Variants in FANCM observed in about 807,000 individuals in gnomAD.
FANCM encodes the protein FA complementation group M, also known as Fanconi anemia group M protein.
Under a neutral mutation model 199.5 loss-of-function variants are expected in FANCM, and 140 were observed. The observed-to-expected ratio is 0.70, with a 90% CI of 0.61 to 0.81. The LOEUF (loss-of-function observed/expected upper bound fraction) is 0.81. FANCM is among the 30% of genes least tolerant of loss of function. The pLI, the probability that FANCM is intolerant of heterozygous loss-of-function variation, is 0.00. For missense variants in FANCM, 2,410 were observed against 2,421.4 expected, an observed-to-expected ratio of 1.00 and a Z score of 0.10; for synonymous variants, 840 against 836.8, an observed-to-expected ratio of 1.00 and a Z score of -0.07.
chr14:45,189,432 T>C lies in FANCM; in HGVS notation c.5340+70T>C, dbSNP rs1045995061. The C allele has an allele frequency of 5.5e-6, 7 of 1,280,088 alleles. 1 individual carries two copies. In the African/African-American group the frequency reaches 8.9e-5, roughly 16 times the overall value. The allele number at this position is 1,280,088 out of a possible 1,614,324, so 79.3% of individuals were successfully genotyped here. A position where few individuals can be genotyped will look rare whatever the true frequency, so the allele number is the denominator to read the frequency against. On this transcript the variant is annotated intron_variant, in intron 20 of 22. Transcript: ENST00000267430. Reference sequence around the variant, plus strand: ...AGTTTTTCTTTTTCTTTCTTGTGTGTGTGTTTTGTATTAAATAACTAGGTC... The same window carrying C: ...AGTTTTTCTTTTTCTTTCTTGTGTGCGTGTTTTGTATTAAATAACTAGGTC...
chr14:45,176,650 A>G lies in FANCM; in HGVS notation c.3896A>G (p.Asn1299Ser), dbSNP rs761637559. 1 of 1,613,732 alleles carries G rather than the reference A, an allele frequency of 6.2e-7. No individual in the cohort carries two copies. Among genetic ancestry groups the G allele is most frequent in the East Asian group, 2.2e-5 (1 of 44,798 alleles). The change falls in exon 14 of 23, where the codon AAT becomes AGT. Residue 1299 changes from asparagine (N) to serine (S), a missense_variant. Coordinates refer to ENST00000267430, the MANE Select transcript of FANCM (RefSeq NM_020937.4). ...FTSGTVIIPS[N>S]EDMQNPNYVH... ...AGTGGAACTGTTATTATCCCATCAA[A>G]TGAAGATATGCAGAATCCAAATTAT...
intron 19 of FANCM, 112 bp from the exon 20 acceptor site, chr14:45,188,690 A>G: frequency 2.5e-6 from 2 of 802,686 alleles, no homozygotes; most frequent in Non-Finnish European, 4.1e-6. Context: ...GGCTGAATTA[A>G]TAAAGTAAAT....
chr14:45,140,988 A>G (rs991097886), intron 3 of FANCM, among the ~76,000 whole-genome samples: 5 of 152,166 alleles, frequency 3.3e-5, no homozygotes, highest in Admixed American at 6.5e-5. Context: ...GCAGTTAGCT[A>G]TGATTGCCAC....
chr14:45,186,822 CAG>C (rs1410677506), intron 18 of FANCM, among the ~76,000 whole-genome samples: 3 of 152,150 alleles, frequency 2.0e-5, no homozygotes, highest in Non-Finnish European at 4.4e-5. Flanking sequence ...GTAGGAAGAT[CAG>C]AGAACTAGCA....
chr14:45,187,890 A>G lies in FANCM; in HGVS notation c.4779+3A>G, dbSNP rs772451163. On this transcript the variant is annotated splice_donor_region_variant and intron_variant, in intron 19 of 22. Coordinates refer to ENST00000267430, the MANE Select transcript of FANCM (RefSeq NM_020937.4). Reference sequence around the variant, plus strand: ...AAAACATAAACATTTTCTCGCAGGTATGAACTATAGAAATATAATGGAGAA... The same window carrying G: ...AAAACATAAACATTTTCTCGCAGGTGTGAACTATAGAAATATAATGGAGAA... 5 of 1,306,856 alleles carry G rather than the reference A, an allele frequency of 3.8e-6. No homozygotes were observed. The South Asian group carries it at 4.7e-5, about 12-fold the overall frequency. The allele number at this position is 1,306,856 out of a possible 1,614,324, so 81.0% of individuals were successfully genotyped here. A position where few individuals can be genotyped will look rare whatever the true frequency, so the allele number is the denominator to read the frequency against.
chr14:45,174,002 C>G (rs910757723), intron 13 of FANCM, among the ~76,000 whole-genome samples: 7 of 152,116 alleles, frequency 4.6e-5, no homozygotes, highest in African/African-American at 1.4e-4. Flanking sequence ...TAACCGTTAG[C>G]AAACAGAGAA....
At chr14:45,167,186 A>C in intron 11 of FANCM, 23 bp downstream of exon 11, 1 of 1,408,822 alleles carries the variant, frequency 7.1e-7, no homozygotes, top group Non-Finnish European at 1.0e-6. Context: ...TGCATTTGAC[A>C]CATGCATTTT....
At position 45,166,896 on chromosome 14, in the gene FANCM, A is replaced by G. The variant is rs1000370724; in HGVS notation, c.1789-54A>G. ...AAACTAATAATTGCTTGTTATGGAT[A>G]AATTGTTATTTATAAAAGTAATATA... On this transcript the variant is annotated intron_variant, in intron 10 of 22. Coordinates refer to ENST00000267430, the MANE Select transcript of FANCM (RefSeq NM_020937.4). 6.9e-6 allele frequency: 7 copies of G among 1,018,302 alleles called. No homozygotes were observed. In the African/African-American group the frequency reaches 9.7e-5, roughly 14 times the overall value. 63.1% of individuals were successfully genotyped at this position (1,018,302 alleles called of 1,614,324 possible). A position where few individuals can be genotyped will look rare whatever the true frequency, so the allele number is the denominator to read the frequency against.
intron 9 of FANCM, among the ~76,000 whole-genome samples, chr14:45,160,921 C>T (rs1010807457): frequency 2.0e-5 from 3 of 151,822 alleles, no homozygotes; most frequent in African/African-American, 7.3e-5. Flanking sequence ...GGAGTGCCTT[C>T]CTGAATCTGA....
chr14:45,151,261 G>A lies in FANCM; in HGVS notation c.919-136G>A. 7.2e-6 allele frequency: 5 copies of A among 696,080 alleles called. No homozygotes were observed. The South Asian group carries it at 7.3e-5, about 10-fold the overall frequency. 43.1% of individuals were successfully genotyped at this position (696,080 alleles called of 1,614,324 possible). On this transcript the variant is annotated intron_variant, in intron 4 of 22. Transcript: ENST00000267430. ...TCAAGTAGTTTTAAATGTTATCATT[G>A]CTGAGTTTACTTAAACATTCATTGT...
chr14:45,194,172 G>A (rs901464795), intron 20 of FANCM, among the ~76,000 whole-genome samples: 3 of 151,846 alleles, frequency 2.0e-5, no homozygotes, highest in Admixed American at 6.6e-5. Context: ...TGTCGTGGCA[G>A]GTGCCTGTAG....
chr14:45,191,142 T>C (rs1242863867), intron 20 of FANCM, among the ~76,000 whole-genome samples: 4 of 152,222 alleles, frequency 2.6e-5, no homozygotes, highest in Admixed American at 1.3e-4. Context: ...CGTGTCCTTA[T>C]GTTGATTTCT....
chr14:45,159,038 T>C lies in FANCM; in HGVS notation c.1397-58T>C. 3 of 1,096,186 alleles carry C rather than the reference T, an allele frequency of 2.7e-6. No individual in the cohort carries two copies. The South Asian group carries it at 4.6e-5, about 17-fold the overall frequency. 67.9% of individuals were successfully genotyped at this position (1,096,186 alleles called of 1,614,324 possible). A position where few individuals can be genotyped will look rare whatever the true frequency, so the allele number is the denominator to read the frequency against. Reference sequence around the variant, plus strand: ...ACTTTCAGGTTTGTCTTTTGAACTATTTCTTGTCTAAATGCTTTGTAAAAA... The same window carrying C: ...ACTTTCAGGTTTGTCTTTTGAACTACTTCTTGTCTAAATGCTTTGTAAAAA... On this transcript the variant is annotated intron_variant, in intron 8 of 22. Coordinates refer to ENST00000267430, the MANE Select transcript of FANCM (RefSeq NM_020937.4).
chr14:45,178,366 C>A (rs1247307868), intron 14 of FANCM, among the ~76,000 whole-genome samples: 4 of 152,138 alleles, frequency 2.6e-5, no homozygotes, highest in African/African-American at 4.8e-5. Context: ...GATAATTTTT[C>A]TGGTTTTGCG....
chr14:45,151,573 T>C, intron 5 of FANCM, 45 bp downstream of exon 5: 1 of 1,551,900 alleles, frequency 6.4e-7, no homozygotes, highest in Non-Finnish European at 8.9e-7. Flanking sequence ...AAATTTTCAC[T>C]GAAAGCCAGG....
chr14:45,169,529 G>A (rs1443137571), intron 11 of FANCM, among the ~76,000 whole-genome samples: 3 of 151,868 alleles, frequency 2.0e-5, no homozygotes, highest in Non-Finnish European at 4.4e-5. Flanking sequence ...CCTCCTGTGT[G>A]GCTAGGACTA....
chr14:45,182,769 A>T (rs892323081), intron 16 of FANCM, among the ~76,000 whole-genome samples: 1 of 152,162 alleles, frequency 6.6e-6, no homozygotes, highest in African/African-American at 2.4e-5. Context: ...TACGCACATC[A>T]TAAATGGAAA....
At chr14:45,160,972 T>A (rs1163762363) in intron 9 of FANCM, among the ~76,000 whole-genome samples, 1 of 152,164 alleles carries the variant, frequency 6.6e-6, no homozygotes, top group Non-Finnish European at 1.5e-5. Context: ...ATTATACATA[T>A]TTTTAAGGCA....
At chr14:45,142,028 T>A (rs547496291) in intron 3 of FANCM, among the ~76,000 whole-genome samples, 36 of 152,270 alleles carry the variant, frequency 2.4e-4, no homozygotes, top group African/African-American at 8.4e-4. Flanking sequence ...AAAGTTTTGT[T>A]TGGAAATAAC....
Sources: allele counts gnomAD v4.1 joint callset (sites outside exome capture counted in the v4.1 genomes callset), GRCh38; gene constraint gnomAD v4.1.1; transcripts MANE v1.5; gene names NCBI Gene and HGNC (gene_info 2026-07-23, HGNC 2026-07-21).